CHML: variants seen among roughly 807,000 people sequenced by gnomAD.
The protein encoded by CHML is CHM like Rab escort protein, also known as rab proteins geranylgeranyltransferase component A 2.
Under a neutral mutation model 30.4 loss-of-function variants are expected in CHML, and 20 were observed. That is an observed-to-expected ratio of 0.66 (90% CI 0.46 to 0.95). The LOEUF is 0.95. Ranked by LOEUF, CHML falls within the 40% of genes least tolerant of loss-of-function variation. The pLI is 0.00. For synonymous variants in CHML, 281 were observed against 275.0 expected, an observed-to-expected ratio of 1.02 and a Z score of -0.22; for missense variants, 795 against 768.5, an observed-to-expected ratio of 1.03 and a Z score of -0.41.
chr1:241,640,258 C>A lies in CHML; in HGVS notation c.-684G>T. Reference sequence around the variant, plus strand: ...CGCTGCGGTTCCCCGAGTACATGGCCCGGCGCCGGCGCGCCTGGCGGGCGG... The same window carrying A: ...CGCTGCGGTTCCCCGAGTACATGGCACGGCGCCGGCGCGCCTGGCGGGCGG... On this transcript the variant is annotated 5_prime_UTR_variant, in exon 1 of 2. Transcript: ENST00000366553. 8.3e-7 allele frequency: 1 copy of A among 1,200,394 alleles called. No homozygotes were observed. The highest frequency in any genetic ancestry group is 1.6e-5 in the African/African-American group (1 of 62,864). The allele number at this position is 1,200,394 out of a possible 1,614,324, so 74.4% of individuals were successfully genotyped here. A position where few individuals can be genotyped will look rare whatever the true frequency, so the allele number is the denominator to read the frequency against.
chr1:241,639,376 T>TA (rs1370313379), intron 1 of CHML: 3 of 152,326 alleles, frequency 2.0e-5, no homozygotes, highest in Non-Finnish European at 2.9e-5. Flanking sequence ...AATTTTTTTT[T>TA]ACACATTGTT....
Position 241,633,719 on chromosome 1 carries a change from T to C in CHML, c.*77A>G. 1.3e-6 allele frequency: 2 copies of C among 1,484,386 alleles called. No individual in the cohort carries two copies. The highest frequency in any genetic ancestry group is 1.9e-5 in the Admixed American group (1 of 53,360). 92.0% of individuals were successfully genotyped at this position (1,484,386 alleles called of 1,614,324 possible). The stretch of plus-strand genomic sequence containing the variant: ...ATATAACCACTTCTAATTACTCATA[T>C]GGGAAACTGTCCTTTAAATGAGAAA... On this transcript the variant is annotated 3_prime_UTR_variant, in exon 2 of 2. Coordinates refer to ENST00000366553, the MANE Select transcript of CHML (RefSeq NM_001381853.1).
intron 1 of CHML, among the ~76,000 whole-genome samples, chr1:241,639,526 G>A (rs1665028621): frequency 6.6e-6 from 1 of 151,866 alleles, no homozygotes; most frequent in African/African-American, 2.4e-5. Flanking sequence ...TTTCCTCAAA[G>A]TGTAAAAAGC....
chr1:241,638,681 T>A (rs929766162), intron 1 of CHML, among the ~76,000 whole-genome samples: 32 of 151,998 alleles, frequency 2.1e-4, no homozygotes, highest in Admixed American at 1.9e-3. Context: ...ATTATCAGAT[T>A]AAAGCTTATG....
At position 241,635,709 on chromosome 1, in the gene CHML, C is replaced by T. The variant is rs184945065; in HGVS notation, c.58G>A (p.Glu20Lys). Residue 20 changes from glutamate (E) to lysine (K), a missense_variant, in exon 2 of 2, where the codon GAA becomes AAA. Physicochemically the swap from Glu to Lys is moderately conservative, Grantham distance 56. Transcript: ENST00000366553. ...GAACATGCAGCTGCAAGGATGGATT[C>T]GGGCAAACCTGTCCCTATTATAACC... ...DVVIIGTGLPESILAAACSRS... is the reference protein window; with the variant it reads ...DVVIIGTGLPKSILAAACSRS... The T allele has an allele frequency of 6.6e-5, 107 of 1,613,976 alleles. No homozygotes were observed. Among genetic ancestry groups the T allele is most frequent in the Admixed American group, 2.0e-4 (12 of 60,016 alleles).
chr1:241,636,403 T>C (rs184898854), intron 1 of CHML, among the ~76,000 whole-genome samples: 73 of 152,364 alleles, frequency 4.8e-4, no homozygotes, highest in Non-Finnish European at 7.5e-4. Context: ...GCTGTGAGCT[T>C]AGACTAAAAG....
intron 1 of CHML, among the ~76,000 whole-genome samples, chr1:241,637,639 G>A (rs147583612): frequency 2.7e-3 from 417 of 152,244 alleles, no homozygotes; most frequent in African/African-American, 8.6e-3. Flanking sequence ...GATCAGGCAC[G>A]TTCTAACCTA....
chr1:241,633,884 G>A lies in CHML; in HGVS notation c.1883C>T (p.Pro628Leu). Reference sequence around the variant, plus strand: ...GGCCATTACTACATTATTGGTTCCAGGAGCCTCTGGCTGCTTATCATCACC... The same window carrying A: ...GGCCATTACTACATTATTGGTTCCAAGAGCCTCTGGCTGCTTATCATCACC... ...FDGDDKQPEA[P>L]GTNNVVMAKL... The change falls in exon 2 of 2, where the codon CCT becomes CTT. Residue 628 changes from proline (P) to leucine (L), a missense_variant. Physicochemically the swap from Pro to Leu is moderately conservative, Grantham distance 98. Transcript: ENST00000366553. The A allele has an allele frequency of 1.2e-6, 2 of 1,613,816 alleles. No individual in the cohort carries two copies. Among genetic ancestry groups the A allele is most frequent in the Non-Finnish European group, 1.7e-6 (2 of 1,179,800 alleles).
Position 241,630,615 on chromosome 1 carries a change from T to C in CHML, c.*3181A>G, listed in dbSNP as rs924533663. The C allele has an allele frequency of 6.6e-6, 1 of 152,122 alleles. No individual in the cohort carries two copies. The highest frequency in any genetic ancestry group is 2.4e-5 in the African/African-American group (1 of 41,454). 9.4% of individuals were successfully genotyped at this position (152,122 alleles called of 1,614,324 possible). A position where few individuals can be genotyped will look rare whatever the true frequency, so the allele number is the denominator to read the frequency against. On this transcript the variant is annotated 3_prime_UTR_variant, in exon 2 of 2. Coordinates refer to ENST00000366553, the MANE Select transcript of CHML (RefSeq NM_001381853.1). ...TTGTGAATGCTGGCTTTTATTGCAA[T>C]GACAGGTCTCTTTAACCATATATAA... is the stretch of plus-strand genomic sequence containing the variant.
At position 241,635,498 on chromosome 1, in the gene CHML, C is replaced by G; in HGVS notation, c.269G>C (p.Arg90Pro). Residue 90 changes from arginine (R) to proline (P), a missense_variant, in exon 2 of 2, where the codon CGC (arginine) becomes CCC (proline). Physicochemically the swap from Arg to Pro is moderately radical, Grantham distance 103 (BLOSUM62 -2). Coordinates refer to ENST00000366553, the MANE Select transcript of CHML (RefSeq NM_001381853.1). The stretch of plus-strand genomic sequence containing the variant: ...GTGTTGAATAGTTTCATCCTTCTTG[C>G]GAAGAGTGATGGCTTCTTCTGTTTC... Reference protein sequence around the residue: ...IHETEEAITLRKKDETIQHTE... With the variant: ...IHETEEAITLPKKDETIQHTE... The G allele has an allele frequency of 6.2e-7, 1 of 1,613,782 alleles. No individual in the cohort carries two copies. Among genetic ancestry groups the G allele is most frequent in the Non-Finnish European group, 8.5e-7 (1 of 1,179,914 alleles).
At chr1:241,637,512 G>C (rs1350474973) in intron 1 of CHML, among the ~76,000 whole-genome samples, 1 of 152,232 alleles carries the variant, frequency 6.6e-6, no homozygotes, top group African/African-American at 2.4e-5. Context: ...TGAAGATGGA[G>C]ACTGAATCTA....
intron 1 of CHML, among the ~76,000 whole-genome samples, chr1:241,638,766 C>CA (rs1256753211): frequency 6.6e-6 from 1 of 151,914 alleles, no homozygotes; most frequent in South Asian, 2.1e-4. Flanking sequence ...TTCAAAACGC[C>CA]AAAAAATGAA....
Position 241,635,367 on chromosome 1 carries a change from C to A in CHML, c.400G>T (p.Val134Phe). ...TCTTCAGGTAATGCAGAATCCAGAA[C>A]TTCAGTGAAGGTATTAGACACCCCC... is the stretch of plus-strand genomic sequence containing the variant. The part of the protein sequence containing the change: ...SLGVSNTFTE[V>F]LDSALPEESQ... The change falls in exon 2 of 2, where the codon GTT becomes TTT. Residue 134 changes from valine (V) to phenylalanine (F), a missense_variant. Val to Phe is a conservative substitution (Grantham distance 50, BLOSUM62 -1). Coordinates refer to ENST00000366553, the MANE Select transcript of CHML (RefSeq NM_001381853.1). 6.2e-7 allele frequency: 1 copy of A among 1,614,082 alleles called. No individual in the cohort carries two copies. The highest frequency in any genetic ancestry group is 8.5e-7 in the Non-Finnish European group (1 of 1,179,956).
In CHML at chr1:241,631,252, G is replaced by A. The variant is rs1217053529; in HGVS notation, c.*2544C>T. On this transcript the variant is annotated 3_prime_UTR_variant, in exon 2 of 2. Transcript: ENST00000366553. ...CATTTCTAAATCAACCTTTATTTTC[G>A]ACTAATTTTTCCTATTTCCATTATA... 6 of 151,452 alleles carry A rather than the reference G, an allele frequency of 4.0e-5. No individual in the cohort carries two copies. The highest frequency in any genetic ancestry group is 8.8e-5 in the Non-Finnish European group (6 of 67,872). 9.4% of individuals were successfully genotyped at this position (151,452 alleles called of 1,614,324 possible).
At position 241,629,281 on chromosome 1, in the gene CHML, A is replaced by C. The variant is rs1386814560; in HGVS notation, c.*4515T>G. The stretch of plus-strand genomic sequence containing the variant: ...GAGTATGTCAAAAGATCAGTTATAA[A>C]GCCCTTTTTATAGTCTTCTACACAG... On this transcript the variant is annotated 3_prime_UTR_variant, in exon 2 of 2. Coordinates refer to ENST00000366553, the MANE Select transcript of CHML (RefSeq NM_001381853.1). The C allele has an allele frequency of 6.6e-6, 1 of 152,154 alleles. No individual in the cohort carries two copies. Among genetic ancestry groups the C allele is most frequent in the Non-Finnish European group, 1.5e-5 (1 of 67,998 alleles). 9.4% of individuals were successfully genotyped at this position (152,154 alleles called of 1,614,324 possible). A position where few individuals can be genotyped will look rare whatever the true frequency, so the allele number is the denominator to read the frequency against.
chr1:241,636,991 T>C (rs1664921677), intron 1 of CHML, among the ~76,000 whole-genome samples: 1 of 152,130 alleles, frequency 6.6e-6, no homozygotes, highest in Admixed American at 6.5e-5. Context: ...CCTGTTAACT[T>C]TGAGCATAAT....
chr1:241,640,197 C>A lies in CHML; in HGVS notation c.-623G>T. On this transcript the variant is annotated 5_prime_UTR_variant, in exon 1 of 2. Coordinates refer to ENST00000366553, the MANE Select transcript of CHML (RefSeq NM_001381853.1). ...CCCGCCGGCGCCGGCCCCTCAGCGC[C>A]CGCGGCCCCGCCGCCGTCCCAGTAG... is the stretch of plus-strand genomic sequence containing the variant. The A allele has an allele frequency of 7.3e-7, 1 of 1,369,852 alleles. No individual in the cohort carries two copies. Among genetic ancestry groups the A allele is most frequent in the Non-Finnish European group, 9.4e-7 (1 of 1,068,032 alleles). The allele number at this position is 1,369,852 out of a possible 1,614,324, so 84.9% of individuals were successfully genotyped here. A position where few individuals can be genotyped will look rare whatever the true frequency, so the allele number is the denominator to read the frequency against.
rs529729179 is a variant in CHML at position 241,635,917 on chromosome 1, AT to A, written c.-152del. 4.4e-5 allele frequency: 31 copies of A among 707,766 alleles called. No homozygotes were observed. Among genetic ancestry groups the A allele is most frequent in the East Asian group, 1.4e-4 (5 of 35,732 alleles). The allele number at this position is 707,766 out of a possible 1,614,324, so 43.8% of individuals were successfully genotyped here. A position where few individuals can be genotyped will look rare whatever the true frequency, so the allele number is the denominator to read the frequency against. On this transcript the variant is annotated 5_prime_UTR_variant, in exon 2 of 2. The change creates a premature stop within an existing upstream ORF in the 5' untranslated region. Coordinates refer to ENST00000366553, the MANE Select transcript of CHML (RefSeq NM_001381853.1). ...TGTTTAACGGTTACCCTTTTAAAAT[AT>A]TTTTTTTCTTATAAGTCAGTAGCAT...
At position 241,629,187 on chromosome 1, in the gene CHML, G is replaced by A. The variant is rs1487067262; in HGVS notation, c.*4609C>T. 1.3e-5 allele frequency: 2 copies of A among 152,154 alleles called. No homozygotes were observed. Among genetic ancestry groups the A allele is most frequent in the African/African-American group, 4.8e-5 (2 of 41,392 alleles). The allele number at this position is 152,154 out of a possible 1,614,324, so 9.4% of individuals were successfully genotyped here. Reference sequence around the variant, plus strand: ...CCCTTAAAGTTATCTGAGTGGAACTGCTAGAAAACTTTGTACAAATAGCTT... The same window carrying A: ...CCCTTAAAGTTATCTGAGTGGAACTACTAGAAAACTTTGTACAAATAGCTT... On this transcript the variant is annotated 3_prime_UTR_variant, in exon 2 of 2. Coordinates refer to ENST00000366553, the MANE Select transcript of CHML (RefSeq NM_001381853.1).
Sources: allele counts gnomAD v4.1 joint callset (sites outside exome capture counted in the v4.1 genomes callset), GRCh38; gene constraint gnomAD v4.1.1; transcripts MANE v1.5; gene names NCBI Gene and HGNC (gene_info 2026-07-23, HGNC 2026-07-21).